HIVEP1: variants seen among roughly 807,000 people sequenced by gnomAD.
The protein encoded by HIVEP1 is HIVEP zinc finger 1, also known as zinc finger protein 40.
Under a neutral mutation model 180.0 loss-of-function variants are expected in HIVEP1, and 36 were observed. The observed-to-expected ratio is 0.20, with a 90% CI of 0.15 to 0.26. The LOEUF (loss-of-function observed/expected upper bound fraction) is 0.26. HIVEP1 is among the 10% of genes least tolerant of loss of function. The pLI, the probability that HIVEP1 is intolerant of heterozygous loss-of-function variation, is 1.00. For synonymous variants in HIVEP1, 1,239 were observed against 1,239.0 expected, an observed-to-expected ratio of 1.00 and a Z score of 0.00; for missense variants, 3,143 against 3,268.7, an observed-to-expected ratio of 0.96 and a Z score of 0.94.
At chr6:12,046,458 G>T (rs1172754614) in intron 2 of HIVEP1, among the ~76,000 whole-genome samples, 1 of 152,152 alleles carries the variant, frequency 6.6e-6, no homozygotes, top group Non-Finnish European at 1.5e-5. Flanking sequence ...CCTAGAAAGT[G>T]AATGTCAGAG....
chr6:12,128,085 G>A (rs114524612), intron 4 of HIVEP1, among the ~76,000 whole-genome samples: 1,756 of 152,310 alleles, frequency 0.012, 32 homozygotes, highest in African/African-American at 0.04. Context: ...TTGGCATTTA[G>A]CTCATTGATA....
chr6:12,027,711 G>T (rs1768676069), intron 2 of HIVEP1, among the ~76,000 whole-genome samples: 1 of 152,212 alleles, frequency 6.6e-6, no homozygotes, highest in African/African-American at 2.4e-5. Context: ...GTCTTCCCCT[G>T]TGAGTGGAGT....
intron 2 of HIVEP1, among the ~76,000 whole-genome samples, chr6:12,087,263 A>C (rs1011821376): frequency 6.6e-6 from 1 of 152,120 alleles, no homozygotes; most frequent in African/African-American, 2.4e-5. Context: ...GTTGAAGTGC[A>C]AACAGAAAGT....
At chr6:12,025,336 T>G (rs528720814) in intron 2 of HIVEP1, among the ~76,000 whole-genome samples, 1 of 152,314 alleles carries the variant, frequency 6.6e-6, no homozygotes, top group Non-Finnish European at 1.5e-5. Context: ...CTTTAATTGT[T>G]TAGAATCTAT....
chr6:12,049,449 A>G (rs1233097748), intron 2 of HIVEP1, among the ~76,000 whole-genome samples: 1 of 152,118 alleles, frequency 6.6e-6, no homozygotes, highest in Non-Finnish European at 1.5e-5. Flanking sequence ...TGTTCGGCAG[A>G]GTGTGTGAGA....
intron 7 of HIVEP1, among the ~76,000 whole-genome samples, chr6:12,140,734 A>G (rs572524563): frequency 1.3e-3 from 192 of 152,358 alleles, no homozygotes; most frequent in African/African-American, 4.4e-3. Flanking sequence ...ACAAGCTTCA[A>G]TAGCTGATTT....
chr6:12,060,726 T>C (rs1384275007), intron 2 of HIVEP1, among the ~76,000 whole-genome samples: 1 of 152,188 alleles, frequency 6.6e-6, no homozygotes, highest in East Asian at 1.9e-4. Flanking sequence ...TTCTCAGTCA[T>C]GTTATGTAAG....
intron 2 of HIVEP1, chr6:12,020,402 T>C (rs138418573): frequency 2.1e-6 from 1 of 471,174 alleles, no homozygotes; most frequent in Non-Finnish European, 4.4e-6. Flanking sequence ...ACGGGGTGGC[T>C]CTTCCGCATG....
At chr6:12,013,125 C>T (rs936452849) in intron 1 of HIVEP1, among the ~76,000 whole-genome samples, 2 of 152,158 alleles carry the variant, frequency 1.3e-5, no homozygotes, top group African/African-American at 4.8e-5. Flanking sequence ...AGTCTCAGGG[C>T]TGCCGCGCTC....
At chr6:12,048,255 C>T (rs918792530) in intron 2 of HIVEP1, among the ~76,000 whole-genome samples, 4 of 152,228 alleles carry the variant, frequency 2.6e-5, no homozygotes, top group Non-Finnish European at 5.9e-5. Flanking sequence ...ACTTGTGCGC[C>T]GTCCGCGGCA....
intron 2 of HIVEP1, among the ~76,000 whole-genome samples, chr6:12,066,922 A>G (rs1355913067): frequency 6.6e-6 from 1 of 152,074 alleles, no homozygotes; most frequent in Non-Finnish European, 1.5e-5. Flanking sequence ...TTATATATAC[A>G]TACATACAAA....
chr6:12,179,434 G>T, the HIVEP1 span, among the ~76,000 whole-genome samples: 1 of 152,144 alleles, frequency 6.6e-6, no homozygotes, highest in African/African-American at 2.4e-5. Flanking sequence ...GCTTAGTTCT[G>T]CATAACCTCT....
In HIVEP1 at chr6:12,015,572, G is replaced by A; in HGVS notation, c.-57G>A. 1 of 1,459,244 alleles carries A rather than the reference G, an allele frequency of 6.9e-7. No individual in the cohort carries two copies. The highest frequency in any genetic ancestry group is 9.6e-7 in the Non-Finnish European group (1 of 1,046,986). 90.4% of individuals were successfully genotyped at this position (1,459,244 alleles called of 1,614,324 possible). On this transcript the variant is annotated 5_prime_UTR_variant, in exon 2 of 9. In the 5' UTR this introduces an upstream ATG that the reference lacks. Coordinates refer to ENST00000379388, the MANE Select transcript of HIVEP1 (RefSeq NM_002114.4). The stretch of plus-strand genomic sequence containing the variant: ...GTTGAGTTTATGGAGCTGCCTTTTG[G>A]TGGCTTGCTTTATCTGCAGTTTTTA...
intron 7 of HIVEP1, among the ~76,000 whole-genome samples, chr6:12,160,274 T>G (rs912383678): frequency 6.6e-6 from 1 of 152,242 alleles, no homozygotes; most frequent in African/African-American, 2.4e-5. Flanking sequence ...TGAAGATTCC[T>G]TGTTAAACTC....
At chr6:12,137,969 A>C (rs944436394) in intron 7 of HIVEP1, among the ~76,000 whole-genome samples, 8 of 152,130 alleles carry the variant, frequency 5.3e-5, no homozygotes, top group African/African-American at 1.9e-4. Context: ...CTTTTCACAA[A>C]TTCAATATAT....
intron 2 of HIVEP1, among the ~76,000 whole-genome samples, chr6:12,029,049 A>G (rs553788506): frequency 5.3e-5 from 8 of 152,364 alleles, no homozygotes; most frequent in East Asian, 1.9e-4. Context: ...TTATCGCTAC[A>G]TAATATTCTC....
Position 12,125,431 on chromosome 6 carries a change from A to C in HIVEP1, c.5636A>C (p.Glu1879Ala). Residue 1879 changes from glutamate to alanine, a missense_variant, in exon 4 of 9, where the codon GAA (glutamate) becomes GCA (alanine). Around this residue, in one of 12 missense-constraint regions of HIVEP1, gnomAD observed 1,357 missense variants for 1,260.5 expected, o/e 1.08. Coordinates refer to ENST00000379388, the MANE Select transcript of HIVEP1 (RefSeq NM_002114.4). ...GTTCGAAGTTCACCTGCTCCTTCAG[A>C]AAATACTCATATTTCTCCTTTGAAA... ...LTVRSSPAPS[E>A]NTHISPLKCT... is the part of the protein sequence containing the mutation. The C allele has an allele frequency of 6.2e-7, 1 of 1,614,172 alleles. No individual in the cohort carries two copies. The highest frequency in any genetic ancestry group is 8.5e-7 in the Non-Finnish European group (1 of 1,180,034).
At chr6:12,156,648 T>C (rs752837018) in intron 7 of HIVEP1, among the ~76,000 whole-genome samples, 2 of 152,150 alleles carry the variant, frequency 1.3e-5, no homozygotes, top group Admixed American at 1.3e-4. Flanking sequence ...AATTTGATGG[T>C]TTTTCAGATA....
Position 12,125,349 on chromosome 6 carries a change from A to AT in HIVEP1, c.5555dup (p.Ser1853LysfsTer2). On this transcript the variant is annotated frameshift_variant, in exon 4 of 9. Transcript: ENST00000379388. LOFTEE classifies it high-confidence loss of function. The stretch of plus-strand genomic sequence containing the variant: ...CTCTAAATTTGTCGTTATAGAACCT[A>AT]TAAGTGAATTGCAGGAATTTGAAAA... 1 of 1,614,214 alleles carries AT rather than the reference A, an allele frequency of 6.2e-7. No homozygotes were observed. Among genetic ancestry groups the AT allele is most frequent in the Non-Finnish European group, 8.5e-7 (1 of 1,180,036 alleles).
Sources: allele counts gnomAD v4.1 joint callset (sites outside exome capture counted in the v4.1 genomes callset), GRCh38; gene constraint gnomAD v4.1.1; regional missense constraint gnomAD v4.1.1; transcripts MANE v1.5; gene names NCBI Gene and HGNC (gene_info 2026-07-23, HGNC 2026-07-21).